Variants in SHPRH observed in about 807,000 individuals in gnomAD.
The protein encoded by SHPRH is SNF2 histone linker PHD RING helicase, also known as E3 ubiquitin-protein ligase SHPRH.
In SHPRH, 106 loss-of-function variants were observed where a neutral mutation model predicts 202.5. That is an observed-to-expected ratio of 0.52 (90% CI 0.45 to 0.62). SHPRH has a LOEUF of 0.62. Ranked by LOEUF, SHPRH falls within the 20% of genes least tolerant of loss-of-function variation. The probability of loss-of-function intolerance (pLI) is 0.00; values close to 1 mark genes in which losing one functional copy is unlikely to be tolerated. For synonymous variants in SHPRH, 729 were observed against 686.0 expected (o/e 1.06, Z -0.98); for missense variants, 1,710 against 2,020.0 (o/e 0.85, Z 2.94).
chr6:145,915,335 T>C (rs1434694947), intron 23 of SHPRH, among the ~76,000 whole-genome samples: 7 of 151,690 alleles, frequency 4.6e-5, no homozygotes, highest in Non-Finnish European at 4.4e-5. Context: ...TGCTTTTAAA[T>C]AGTCAATATC....
At chr6:145,893,572 TATG>T (rs1418319729) in intron 27 of SHPRH, among the ~76,000 whole-genome samples, 179 bp from the exon 28 acceptor site, 1 of 152,178 alleles carries the variant, frequency 6.6e-6, no homozygotes, top group African/African-American at 2.4e-5. Context: ...TGATTTTAAT[TATG>T]AAGAAAAGTA....
intron 2 of SHPRH, among the ~76,000 whole-genome samples, chr6:145,873,093 T>C (rs1453318010): frequency 1.3e-5 from 2 of 152,120 alleles, no homozygotes; most frequent in African/African-American, 2.4e-5. Context: ...ACCTGGGTGA[T>C]AGGATGATCT....
intron 2 of SHPRH, chr6:145,876,573 T>C (rs1349624601): frequency 6.6e-6 from 1 of 152,242 alleles, no homozygotes; most frequent in Non-Finnish European, 1.5e-5. Context: ...CATTTATCGT[T>C]TGATAGGCAT....
chr6:145,959,434 C>T (rs1788857032), intron 1 of SHPRH, among the ~76,000 whole-genome samples: 1 of 152,108 alleles, frequency 6.6e-6, no homozygotes. Flanking sequence ...AGGTTTGTAG[C>T]CTAGGAGCAG....
chr6:145,936,978 CTT>C (rs1206387630), intron 11 of SHPRH, among the ~76,000 whole-genome samples: 65,226 of 124,860 alleles, frequency 0.52, 14,356 homozygotes, highest in Admixed American at 0.62. Context: ...CATGCTTCAT[CTT>C]TTTTTTTTTT....
In SHPRH at chr6:145,917,447, T is replaced by C. The variant is rs187826205; in HGVS notation, c.4254+684A>G. Reference sequence around the variant, plus strand: ...TCTATAATGAATGTCTAACTTTTCATTTTGTCTGAGATTTACTGATTCACT... The same window carrying C: ...TCTATAATGAATGTCTAACTTTTCACTTTGTCTGAGATTTACTGATTCACT... On this transcript the variant is annotated intron_variant, in intron 23 of 29. Coordinates refer to ENST00000275233, the MANE Select transcript of SHPRH (RefSeq NM_001042683.3). 6 of 152,274 alleles carry C rather than the reference T, an allele frequency of 3.9e-5. No homozygotes were observed. The South Asian group carries it at 1.0e-3, about 26-fold the overall frequency. The allele number at this position is 152,274 out of a possible 1,614,324, so 9.4% of individuals were successfully genotyped here.
At chr6:145,927,887 C>T (rs1386985271) in intron 14 of SHPRH, among the ~76,000 whole-genome samples, 1 of 151,896 alleles carries the variant, frequency 6.6e-6, no homozygotes, top group East Asian at 1.9e-4. Context: ...CTGTTTTCTA[C>T]TGTTCATAAT....
At chr6:145,861,077 T>C (rs560357752), downstream of SHPRH, among the ~76,000 whole-genome samples, 4 of 152,072 alleles carry the variant, frequency 2.6e-5, no homozygotes, top group Non-Finnish European at 5.9e-5. Context: ...TGGGCAATGA[T>C]TTCTGGGATA....
rs760010271 is a variant in SHPRH, at chr6:145,954,730, A to G, written c.593T>C (p.Ile198Thr). The G allele has an allele frequency of 2.5e-6, 4 of 1,601,800 alleles. No individual in the cohort carries two copies. The highest frequency in any genetic ancestry group is 1.8e-5 in the Admixed American group (1 of 56,588). Residue 198 changes from isoleucine to threonine, a missense_variant, in exon 2 of 30, where the codon ATA becomes ACA. By Grantham distance (89) the Ile-to-Thr change is moderately conservative (BLOSUM62 -1). This residue lies in a region of SHPRH where 459 missense variants were observed against 426.5 expected (regional missense o/e 1.08). Transcript: ENST00000275233. Reference protein sequence around the residue: ...DLGWLQKKRRIKLYQKPEGNH... With the variant: ...DLGWLQKKRRTKLYQKPEGNH... ...TCCTTCTGGTTTCTGATAGAGTTTT[A>G]TTCTTCTCTTCTTTTGTAGCCACCC...
At chr6:145,954,187 G>T (rs914469743) in intron 2 of SHPRH, among the ~76,000 whole-genome samples, 6 of 151,994 alleles carry the variant, frequency 3.9e-5, no homozygotes, top group Non-Finnish European at 5.9e-5. Context: ...GACGCAGAAA[G>T]TCAGTGTGGT....
intron 8 of SHPRH, 95 bp downstream of exon 8, chr6:145,945,286 G>C (rs546488665): frequency 7.3e-7 from 1 of 1,371,682 alleles, no homozygotes. Flanking sequence ...TCTTCAGATC[G>C]TAAGAGTTTC....
In SHPRH at chr6:145,870,554, G is replaced by C. The variant is rs890377530; in HGVS notation, c.222-6063C>G. On this transcript the variant is annotated intron_variant, in intron 2 of 2. Transcript: ENST00000417762. ...TGGGATTACAGGCTTGAGCCACTGC[G>C]CCTGGCCTCAGATTTTCTACATACA... Among the ~76,000 whole-genome samples the C allele has an allele frequency of 6.6e-5, 10 of 152,130 alleles. No individual in the cohort carries two copies. The East Asian group carries it at 9.6e-4, about 15-fold the overall frequency.
At chr6:145,949,815 T>G (rs1562366447) in intron 4 of SHPRH, among the ~76,000 whole-genome samples, 4 of 152,084 alleles carry the variant, frequency 2.6e-5, no homozygotes, top group Admixed American at 2.0e-4. Context: ...TTTATTACTG[T>G]AAAGAAAAAA....
intron 28 of SHPRH, among the ~76,000 whole-genome samples, chr6:145,891,967 G>A (rs1166915940): frequency 6.6e-6 from 1 of 152,136 alleles, no homozygotes; most frequent in East Asian, 1.9e-4. Flanking sequence ...GCCACTTGGT[G>A]GTATGTTAGA....
At chr6:145,913,834 A>C (rs1783708240) in intron 23 of SHPRH, among the ~76,000 whole-genome samples, 1 of 152,148 alleles carries the variant, frequency 6.6e-6, no homozygotes, top group South Asian at 2.1e-4. Flanking sequence ...TCCAAAATCC[A>C]AACTTTTTGA....
chr6:145,857,889 C>G, the SHPRH span, among the ~76,000 whole-genome samples: 1 of 152,050 alleles, frequency 6.6e-6, no homozygotes, highest in African/African-American at 2.4e-5. Flanking sequence ...TCAATCAACA[C>G]AATTAAAACG....
In SHPRH at chr6:145,935,455, A is replaced by G; in HGVS notation, c.2570-14T>C. 3 of 1,612,526 alleles carry G rather than the reference A, an allele frequency of 1.9e-6. No individual in the cohort carries two copies. Among genetic ancestry groups the G allele is most frequent in the Non-Finnish European group, 2.5e-6 (3 of 1,179,412 alleles). On this transcript the variant is annotated splice_polypyrimidine_tract_variant and intron_variant, in intron 11 of 29. Transcript: ENST00000275233. ...ACCCAAAAAGATCTGAAAAGAAAAA[A>G]TAAAATACATTGAGGATAACTCTAT... is the stretch of plus-strand genomic sequence containing the variant.
chr6:145,898,497 A>C (rs1782206937), intron 25 of SHPRH, among the ~76,000 whole-genome samples: 1 of 152,290 alleles, frequency 6.6e-6, no homozygotes, highest in South Asian at 2.1e-4. Flanking sequence ...AGCAATACTC[A>C]TGCTGAAATT....
At chr6:145,877,208 G>A (rs1463314361) in intron 2 of SHPRH, among the ~76,000 whole-genome samples, 1 of 152,186 alleles carries the variant, frequency 6.6e-6, no homozygotes, top group Non-Finnish European at 1.5e-5. Context: ...GCTGCTAGGT[G>A]TACATTTAAC....
Sources: allele counts gnomAD v4.1 joint callset (sites outside exome capture counted in the v4.1 genomes callset), GRCh38; gene constraint gnomAD v4.1.1; regional missense constraint gnomAD v4.1.1; transcripts MANE v1.5; gene names NCBI Gene and HGNC (gene_info 2026-07-23, HGNC 2026-07-21).